FIRRM: variants seen among roughly 807,000 people sequenced by gnomAD.
FIRRM encodes the protein FIGNL1 interacting regulator of recombination and mitosis, also known as FIGNL1-interacting regulator of recombination and mitosis.
chr1:169,807,826 A>C, the FIRRM span: 42 of 1,604,626 alleles, frequency 2.6e-5, no homozygotes, highest in Admixed American at 6.9e-5. Flanking sequence ...ATAAAAAGCC[A>C]GTTGAAACAC....
At chr1:169,843,616 C>A in the FIRRM span, 1 of 973,076 alleles carries the variant, frequency 1.0e-6, no homozygotes, top group Non-Finnish European at 1.7e-6. Flanking sequence ...TAAAAGCTTG[C>A]TATTATTATT....
At chr1:169,840,270 A>G in the FIRRM span, among the ~76,000 whole-genome samples, 23 of 152,254 alleles carry the variant, frequency 1.5e-4, no homozygotes, top group Admixed American at 1.1e-3. Flanking sequence ...AATGGTGTCA[A>G]TAGTTTGGTA....
the FIRRM span, among the ~76,000 whole-genome samples, chr1:169,845,805 C>T: frequency 6.6e-6 from 1 of 152,198 alleles, no homozygotes; most frequent in Non-Finnish European, 1.5e-5. Context: ...TTGAACCCCC[C>T]AAAGTCATCC....
the FIRRM span, among the ~76,000 whole-genome samples, chr1:169,821,111 AACTT>A: frequency 1.3e-5 from 2 of 152,192 alleles, no homozygotes; most frequent in East Asian, 1.9e-4. Context: ...AGTGCTTGTT[AACTT>A]ACTTCCTTAC....
chr1:169,852,086 T>C, the FIRRM span: 13 of 1,093,716 alleles, frequency 1.2e-5, no homozygotes, highest in Non-Finnish European at 1.7e-5. Flanking sequence ...TTTATGGTAG[T>C]TGCTTTTAAA....
the FIRRM span, among the ~76,000 whole-genome samples, chr1:169,808,359 T>C: frequency 1.3e-5 from 2 of 152,216 alleles, no homozygotes; most frequent in African/African-American, 4.8e-5. Context: ...GTATCAGTCT[T>C]TTAAATTTGA....
chr1:169,809,135 C>T, the FIRRM span, among the ~76,000 whole-genome samples: 17 of 152,228 alleles, frequency 1.1e-4, no homozygotes, highest in Non-Finnish European at 2.4e-4. Flanking sequence ...GAGGGTGGAA[C>T]TTTAAAAAGA....
At chr1:169,785,770 T>C in the FIRRM span, among the ~76,000 whole-genome samples, 1 of 152,184 alleles carries the variant, frequency 6.6e-6, no homozygotes, top group Non-Finnish European at 1.5e-5. Context: ...CTATAGATTT[T>C]CAGGCTTGAA....
the FIRRM span, among the ~76,000 whole-genome samples, chr1:169,833,020 T>C: frequency 6.6e-6 from 1 of 152,224 alleles, no homozygotes; most frequent in East Asian, 1.9e-4. Flanking sequence ...GAGTTATAGA[T>C]AATTATTCTA....
At chr1:169,793,010 G>A in the FIRRM span, 1 of 1,614,044 alleles carries the variant, frequency 6.2e-7, no homozygotes, top group South Asian at 1.1e-5. Flanking sequence ...TACTACATTA[G>A]GTAAGGTTAC....
At chr1:169,842,309 C>T in the FIRRM span, 1 of 1,081,094 alleles carries the variant, frequency 9.2e-7, no homozygotes, top group Non-Finnish European at 1.3e-6. Flanking sequence ...TCTACATGGA[C>T]TTTATGAAGA....
chr1:169,851,871 A>G, the FIRRM span: 1 of 1,613,984 alleles, frequency 6.2e-7, no homozygotes, highest in Non-Finnish European at 8.5e-7. Flanking sequence ...GAAACAGGAA[A>G]AAGGTATTTT....
At chr1:169,806,988 C>G in the FIRRM span, among the ~76,000 whole-genome samples, 1 of 152,232 alleles carries the variant, frequency 6.6e-6, no homozygotes. Flanking sequence ...TTATCTTCCA[C>G]TCTTACCCTC....
chr1:169,816,916 A>G, the FIRRM span, among the ~76,000 whole-genome samples: 6 of 152,208 alleles, frequency 3.9e-5, no homozygotes, highest in African/African-American at 1.4e-4. Context: ...TTATGCAAAT[A>G]ACTATATTGC....
At chr1:169,804,253 A>G in the FIRRM span, 1 of 1,459,680 alleles carries the variant, frequency 6.9e-7, no homozygotes, top group East Asian at 2.5e-5. Flanking sequence ...GAGTGAAGAA[A>G]ACTTTCTGCT....
the FIRRM span, among the ~76,000 whole-genome samples, chr1:169,833,497 C>CAGACATGTATACAA: frequency 5.8e-4 from 89 of 152,154 alleles, no homozygotes; most frequent in Non-Finnish European, 5.9e-5. Flanking sequence ...GTCTGCAAAG[C>CAGACATGTATACAA]AGAAGATATG....
chr1:169,847,561 G>A, the FIRRM span: 3 of 636,062 alleles, frequency 4.7e-6, no homozygotes, highest in Non-Finnish European at 5.6e-6. Context: ...GGGCTGTGGT[G>A]TGTTTGTTTT....
chr1:169,813,501 TCA>T, the FIRRM span, among the ~76,000 whole-genome samples: 1 of 152,354 alleles, frequency 6.6e-6, no homozygotes, highest in East Asian at 1.9e-4. Flanking sequence ...CTAGAAAGAA[TCA>T]CAGGAAAGGT....
chr1:169,853,229 C>T, the FIRRM span: 3 of 495,670 alleles, frequency 6.1e-6, no homozygotes, highest in African/African-American at 5.8e-5. Context: ...CTCAGATAGT[C>T]TAACTGTAAA....
Sources: allele counts gnomAD v4.1 joint callset (sites outside exome capture counted in the v4.1 genomes callset), GRCh38; gene constraint gnomAD v4.1.1; transcripts MANE v1.5; gene names NCBI Gene and HGNC (gene_info 2026-07-23, HGNC 2026-07-21).